The following UGDH variants were observed in gnomAD, a reference collection of about 807,000 sequenced individuals.
UGDH encodes UDP-Glc dehydrogenase.
In UGDH, 38 loss-of-function variants were observed where a neutral mutation model predicts 50.6. The ratio of observed to expected loss-of-function variants is 0.75; its 90% CI spans 0.58 to 0.98. The LOEUF (loss-of-function observed/expected upper bound fraction) is 0.98, where lower values mean the gene tolerates loss of function less well. UGDH is among the 50% of genes least tolerant of loss of function. The probability of loss-of-function intolerance (pLI) is 0.00; values close to 1 mark genes in which losing one functional copy is unlikely to be tolerated. For missense variants in UGDH, 465 were observed against 606.2 expected, an observed-to-expected ratio of 0.77 and a Z score of 2.45; for synonymous variants, 168 against 199.9, an observed-to-expected ratio of 0.84 and a Z score of 1.35.
At chr4:39,501,619 C>G (rs1560684479) in intron 11 of UGDH, among the ~76,000 whole-genome samples, 1 of 152,152 alleles carries the variant, frequency 6.6e-6, no homozygotes, top group African/African-American at 2.4e-5. Flanking sequence ...AAGGCCCCAG[C>G]TGGAATCCTG....
chr4:39,500,732 C>G (rs1216351730), intron 11 of UGDH, among the ~76,000 whole-genome samples: 1 of 149,600 alleles, frequency 6.7e-6, no homozygotes, highest in Non-Finnish European at 1.5e-5. Context: ...TCTTGGCTCA[C>G]TGCAACCTCC....
chr4:39,510,573 A>G, intron 4 of UGDH, 23 bp from the exon 5 acceptor site: 1 of 1,614,100 alleles, frequency 6.2e-7, no homozygotes, highest in Non-Finnish European at 8.5e-7. Context: ...TGCAAAGGAA[A>G]GTTTTAAGCT....
At chr4:39,505,463 G>T (rs4975019) in intron 8 of UGDH, 93 bp from the exon 9 acceptor site, 334,592 of 1,206,196 alleles carry the variant, frequency 0.28, 55,069 homozygotes, top group East Asian at 0.68. Context: ...TTATATTTCT[G>T]AAGCTGGTAG....
At chr4:39,511,596 A>G (rs1195922943) in intron 3 of UGDH, among the ~76,000 whole-genome samples, 2 of 151,608 alleles carry the variant, frequency 1.3e-5, no homozygotes, top group Non-Finnish European at 2.9e-5. Context: ...ACAGTCCTAT[A>G]TCAACAGTCT....
Position 39,523,526 on chromosome 4 carries a change from C to T in UGDH, c.-7-2007G>A, listed in dbSNP as rs1746753185. On this transcript the variant is annotated intron_variant, in intron 1 of 11. Transcript: ENST00000316423. ...ATTTTTAAAAATTATTTATTCTGGC[C>T]AGGCACGGTGGCTCATGCCTGTAAT... 1.3e-5 allele frequency among the ~76,000 whole-genome samples: 2 copies of T among 151,876 alleles called. 1 individual carries two copies. The highest frequency in any genetic ancestry group is 4.1e-4 in the South Asian group (2 of 4,828).
chr4:39,514,298 C>T (rs1361186834), intron 2 of UGDH, 114 bp from the exon 3 acceptor site: 1 of 844,582 alleles, frequency 1.2e-6, no homozygotes, highest in African/African-American at 1.8e-5. Context: ...ATTTAAAGGT[C>T]TAGGTTGTGC....
chr4:39,516,806 T>A (rs887113287), intron 2 of UGDH, among the ~76,000 whole-genome samples: 1 of 152,190 alleles, frequency 6.6e-6, no homozygotes, highest in African/African-American at 2.4e-5. Flanking sequence ...TCCTTGGTTA[T>A]TTTGGCTAGA....
At chr4:39,505,099 C>T (rs773219435) in intron 9 of UGDH, 138 bp downstream of exon 9, 1 of 827,450 alleles carries the variant, frequency 1.2e-6, no homozygotes, top group African/African-American at 1.8e-5. Flanking sequence ...ATGCCTAAGA[C>T]TTTAATTTCA....
intron 3 of UGDH, among the ~76,000 whole-genome samples, chr4:39,512,914 AG>A (rs1370748061): frequency 5.4e-5 from 8 of 148,824 alleles, no homozygotes; most frequent in African/African-American, 7.4e-5. Context: ...CTCAACCTCC[AG>A]GGTTCAATCA....
At chr4:39,525,488 C>A (rs1459766553) in intron 1 of UGDH, among the ~76,000 whole-genome samples, 1 of 149,524 alleles carries the variant, frequency 6.7e-6, no homozygotes, top group African/African-American at 2.5e-5. Context: ...GCCACTGCGC[C>A]CAGCCCCATT....
At chr4:39,505,404 T>A (rs1415036374) in intron 8 of UGDH, 34 bp from the exon 9 acceptor site, 2 of 1,459,006 alleles carry the variant, frequency 1.4e-6, no homozygotes, top group African/African-American at 2.9e-5. Flanking sequence ...TTGGTAAGCT[T>A]TATGTGGCAT....
intron 2 of UGDH, among the ~76,000 whole-genome samples, chr4:39,514,423 TGC>T (rs1426968618): frequency 1.1e-4 from 16 of 151,194 alleles, no homozygotes; most frequent in East Asian, 7.8e-4. Flanking sequence ...AGTGCAGTGG[TGC>T]AATCTCAGCT....
chr4:39,525,401 T>C (rs6531723), intron 1 of UGDH, among the ~76,000 whole-genome samples: 108,115 of 151,926 alleles, frequency 0.71, 38,621 homozygotes, highest in East Asian at 0.9. Flanking sequence ...ACCATATTGG[T>C]CAGGCTGGTC....
At chr4:39,520,936 G>A (rs1746628618) in intron 2 of UGDH, among the ~76,000 whole-genome samples, 1 of 151,746 alleles carries the variant, frequency 6.6e-6, no homozygotes, top group South Asian at 2.1e-4. Flanking sequence ...AGCTGGGTGT[G>A]GTGGTGGGCG....
chr4:39,504,072 G>A (rs963240880), intron 10 of UGDH, 87 bp from the exon 11 acceptor site: 35 of 1,063,660 alleles, frequency 3.3e-5, no homozygotes, highest in Non-Finnish European at 4.8e-5. Flanking sequence ...ACTTTGGGAG[G>A]CCAAGATGGG....
At position 39,510,689 on chromosome 4, in the gene UGDH, G is replaced by T. The variant is rs1381741430; in HGVS notation, c.437C>A (p.Ala146Glu). The change falls in exon 4 of 12, where the codon GCA becomes GAA. Residue 146 changes from alanine to glutamate, a missense_variant. By Grantham distance (107) the Ala-to-Glu change is moderately radical. Transcript: ENST00000316423. ...AAESIRRIFD[A>E]NTKPNLNLQV... ...TAAATTCAAGTTGGGTTTTGTGTTT[G>T]CATCAAATATGCGACGGATACTTTC... The T allele has an allele frequency of 6.2e-7, 1 of 1,614,090 alleles. No individual in the cohort carries two copies. Among genetic ancestry groups the T allele is most frequent in the African/African-American group, 1.3e-5 (1 of 74,906 alleles).
chr4:39,504,590 G>C, intron 9 of UGDH, 82 bp from the exon 10 acceptor site: 1 of 1,229,580 alleles, frequency 8.1e-7, no homozygotes, highest in South Asian at 1.3e-5. Flanking sequence ...TATCTGCAGG[G>C]ATACATTCCA....
chr4:39,513,595 G>T (rs1442574930), intron 3 of UGDH, among the ~76,000 whole-genome samples: 5 of 144,876 alleles, frequency 3.5e-5, no homozygotes, highest in African/African-American at 1.0e-4. Flanking sequence ...GGAGTGCAGT[G>T]GCGCGATCTC....
chr4:39,509,795 T>C lies in UGDH; in HGVS notation c.776A>G (p.Gln259Arg). 6 of 1,611,440 alleles carry C rather than the reference T, an allele frequency of 3.7e-6. No homozygotes were observed. The highest frequency in any genetic ancestry group is 5.1e-6 in the Non-Finnish European group (6 of 1,179,388). ...EEVATAIGMDQRIGNKFLKAS... is the reference protein window; with the variant it reads ...EEVATAIGMDRRIGNKFLKAS... ...TTTTAGAAACTTGTTTCCAATTCTC[T>C]GGTCCATTCCAATCGCTGTTGCTAC... is the stretch of plus-strand genomic sequence containing the variant. Residue 259 changes from glutamine (Q) to arginine (R), a missense_variant, in exon 6 of 12, where the codon CAG (glutamine) becomes CGG (arginine). Physicochemically the swap from Gln to Arg is conservative, Grantham distance 43. Transcript: ENST00000316423.
Sources: gnomAD v4.1 joint callset for allele counts (sites outside exome capture counted in the v4.1 genomes callset) on GRCh38, gnomAD v4.1.1 for gene constraint, MANE v1.5 for transcripts, NCBI Gene and HGNC (gene_info 2026-07-23, HGNC 2026-07-21) for gene names.